INPP4B: variants seen among roughly 807,000 people sequenced by gnomAD.
INPP4B encodes inositol polyphosphate-4-phosphatase type II B.
A neutral mutation model predicts 122.5 loss-of-function variants in INPP4B; 55 were observed. The ratio of observed to expected loss-of-function variants is 0.45; its 90% CI spans 0.36 to 0.56. The LOEUF (loss-of-function observed/expected upper bound fraction) is 0.56. INPP4B is among the 20% of genes least tolerant of loss of function. INPP4B has a pLI of 0.00. For synonymous variants in INPP4B, 403 were observed against 388.7 expected, an observed-to-expected ratio of 1.04 and a Z score of -0.43; for missense variants, 1,000 against 1,097.7, an observed-to-expected ratio of 0.91 and a Z score of 1.26.
intron 8 of INPP4B, among the ~76,000 whole-genome samples, chr4:142,309,622 T>G (rs1764703177): frequency 6.6e-6 from 1 of 152,172 alleles, no homozygotes. Context: ...TCCAGCATTC[T>G]TTCATCCCCA....
At chr4:142,691,152 A>T (rs1294322504) in intron 2 of INPP4B, among the ~76,000 whole-genome samples, 2 of 151,924 alleles carry the variant, frequency 1.3e-5, no homozygotes, top group East Asian at 3.9e-4. Flanking sequence ...TTTCCTTCTC[A>T]TCTTAGCATT....
chr4:142,807,662 T>C (rs1031008519), intron 1 of INPP4B, among the ~76,000 whole-genome samples: 1 of 152,164 alleles, frequency 6.6e-6, no homozygotes, highest in East Asian at 1.9e-4. Context: ...ATGAGAACGA[T>C]GTTTCCTTAG....
intron 2 of INPP4B, among the ~76,000 whole-genome samples, chr4:142,655,129 A>T (rs2150560165): frequency 6.6e-6 from 1 of 152,308 alleles, no homozygotes; most frequent in Admixed American, 6.5e-5. Flanking sequence ...TAGTTTCAGT[A>T]GTTAACATTC....
chr4:142,335,054 G>T (rs1005672576), intron 7 of INPP4B, among the ~76,000 whole-genome samples: 1 of 129,522 alleles, frequency 7.7e-6, no homozygotes, highest in African/African-American at 3.0e-5. Flanking sequence ...TAAGAATAAA[G>T]CCTATAACTC....
chr4:142,385,369 C>T (rs1023828433), intron 7 of INPP4B, among the ~76,000 whole-genome samples: 2 of 142,280 alleles, frequency 1.4e-5, no homozygotes, highest in African/African-American at 5.7e-5. Context: ...TGATACTGAA[C>T]CTTAAAAAAA....
At chr4:142,315,454 A>G (rs1767200406) in intron 7 of INPP4B, among the ~76,000 whole-genome samples, 1 of 151,926 alleles carries the variant, frequency 6.6e-6, no homozygotes, top group Non-Finnish European at 1.5e-5. Context: ...TGAAACACTA[A>G]CTCCTTATAT....
In INPP4B at chr4:142,204,466, AT is replaced by A. The variant is rs200980199; in HGVS notation, c.1072+3958del. On this transcript the variant is annotated intron_variant, in intron 14 of 25. Transcript: ENST00000262992. ...GTTGTACCCTAATCTGTAACATTAAATTTTTTTTTTCTGTATTGCTTGATAT... is the reference window on the plus strand; with the variant it reads ...GTTGTACCCTAATCTGTAACATTAAATTTTTTTTTCTGTATTGCTTGATAT... 1.1e-3 allele frequency among the ~76,000 whole-genome samples: 168 copies of A among 150,354 alleles called. 1 individual carries two copies. Among genetic ancestry groups the A allele is most frequent in the Middle Eastern group, 6.9e-3 (2 of 290 alleles).
intron 11 of INPP4B, among the ~76,000 whole-genome samples, chr4:142,250,365 C>A (rs967055882): frequency 2.6e-5 from 4 of 152,214 alleles, no homozygotes; most frequent in African/African-American, 7.2e-5. Flanking sequence ...TAAGATATGA[C>A]ATTCTCTCCC....
intron 16 of INPP4B, among the ~76,000 whole-genome samples, chr4:142,163,842 A>G (rs1821341080): frequency 6.6e-6 from 1 of 151,810 alleles, no homozygotes. Context: ...CATATCACTG[A>G]GTTGCCTACT....
At chr4:142,822,741 G>A (rs1275505643) in intron 1 of INPP4B, among the ~76,000 whole-genome samples, 3 of 152,082 alleles carry the variant, frequency 2.0e-5, no homozygotes, top group African/African-American at 7.2e-5. Flanking sequence ...CATGAAAAAA[G>A]TGACTCAGAT....
Position 142,675,206 on chromosome 4 carries a change from G to T in INPP4B, c.-191+50633C>A, listed in dbSNP as rs140628414. On this transcript the variant is annotated intron_variant, in intron 2 of 25. Coordinates refer to ENST00000262992, the MANE Select transcript of INPP4B (RefSeq NM_001101669.3). ...CACAGAAATACAAACCACCGTCAGA[G>T]AATACTATAAACACCTCTATGCAAA... Among the ~76,000 whole-genome samples, 1,322 of 152,228 alleles carry T rather than the reference G, an allele frequency of 8.7e-3. 9 individuals are homozygous for T. Among genetic ancestry groups the T allele is most frequent in the Non-Finnish European group, 0.013 (867 of 68,004 alleles).
chr4:142,391,949 T>C (rs776752349), intron 7 of INPP4B, among the ~76,000 whole-genome samples: 16 of 152,198 alleles, frequency 1.1e-4, no homozygotes, highest in South Asian at 6.2e-4. Flanking sequence ...AGAGGGCTGA[T>C]GTTATAAAAG....
chr4:142,292,924 A>G (rs1222855744), intron 9 of INPP4B, among the ~76,000 whole-genome samples: 1 of 152,196 alleles, frequency 6.6e-6, no homozygotes, highest in East Asian at 1.9e-4. Context: ...TCATTTGATA[A>G]TTTGTTAATT....
intron 25 of INPP4B, among the ~76,000 whole-genome samples, chr4:142,068,315 A>G (rs2152468999): frequency 1.3e-5 from 2 of 152,350 alleles, no homozygotes; most frequent in South Asian, 4.1e-4. Flanking sequence ...CTGCCTTACA[A>G]GAGCTCCTCA....
At chr4:142,693,868 A>C (rs1467520935) in intron 2 of INPP4B, among the ~76,000 whole-genome samples, 2 of 152,234 alleles carry the variant, frequency 1.3e-5, no homozygotes, top group Non-Finnish European at 2.9e-5. Flanking sequence ...AGAAATTGAC[A>C]GTCTAAAGTA....
At chr4:142,600,987 A>T (rs919833156) in intron 2 of INPP4B, among the ~76,000 whole-genome samples, 5 of 152,156 alleles carry the variant, frequency 3.3e-5, no homozygotes, top group Admixed American at 6.5e-5. Context: ...ATCTACCAAG[A>T]CAATACAAAA....
chr4:142,097,957 T>G (rs1274840739), intron 23 of INPP4B, among the ~76,000 whole-genome samples: 1 of 152,126 alleles, frequency 6.6e-6, no homozygotes, highest in Non-Finnish European at 1.5e-5. Flanking sequence ...TAAGGAGTCC[T>G]GTCAAATAAT....
chr4:142,719,540 T>C (rs969930206), intron 2 of INPP4B, among the ~76,000 whole-genome samples: 1 of 152,014 alleles, frequency 6.6e-6, no homozygotes, highest in Non-Finnish European at 1.5e-5. Flanking sequence ...CCCAGGCTGG[T>C]CTCAAATTCC....
At position 142,494,370 on chromosome 4, in the gene INPP4B, G is replaced by A. The variant is rs1458715501; in HGVS notation, c.-190-31644C>T. On this transcript the variant is annotated intron_variant, in intron 2 of 25. Transcript: ENST00000262992. ...TTATTTTTATTCTAAACAGTTTTCA[G>A]TTGAAAAATAATAAAACCATAAAAT... Among the ~76,000 whole-genome samples the A allele has an allele frequency of 2.6e-5, 4 of 152,096 alleles. No individual in the cohort carries two copies. In the East Asian group the frequency reaches 7.7e-4, roughly 29 times the overall value.
Sources: allele counts gnomAD v4.1 joint callset (sites outside exome capture counted in the v4.1 genomes callset), GRCh38; gene constraint gnomAD v4.1.1; transcripts MANE v1.5; gene names NCBI Gene and HGNC (gene_info 2026-07-23, HGNC 2026-07-21).